Variants in SPOCK1 observed in about 807,000 individuals in gnomAD.
The protein encoded by SPOCK1 is testican-1.
Under a neutral mutation model 55.3 loss-of-function variants are expected in SPOCK1, and 23 were observed. The observed-to-expected ratio is 0.42, with a 90% CI of 0.30 to 0.59. The LOEUF (loss-of-function observed/expected upper bound fraction) is 0.59. Ranked by LOEUF, SPOCK1 falls within the 20% of genes least tolerant of loss-of-function variation. The pLI is 0.22. For missense variants in SPOCK1, 499 were observed against 552.5 expected (o/e 0.90, Z 0.97); for synonymous variants, 226 against 221.0 (o/e 1.02, Z -0.20).
intron 2 of SPOCK1, 25 bp downstream of exon 2, chr5:137,498,348 A>G (rs1326279595): frequency 6.5e-7 from 1 of 1,541,884 alleles, no homozygotes; most frequent in East Asian, 2.5e-5. Flanking sequence ...CGCGCCCCCC[A>G]GGGCCGGGTG....
intron 2 of SPOCK1, among the ~76,000 whole-genome samples, chr5:137,275,815 C>T (rs1757055263): frequency 6.6e-6 from 1 of 152,170 alleles, no homozygotes; most frequent in African/African-American, 2.4e-5. Flanking sequence ...ACAGGCTGGA[C>T]TCCTCCCTCT....
intron 3 of SPOCK1, among the ~76,000 whole-genome samples, chr5:137,191,655 T>C (rs575914943): frequency 2.6e-5 from 4 of 152,320 alleles, no homozygotes; most frequent in Non-Finnish European, 5.9e-5. Flanking sequence ...GCCCATCAGG[T>C]AAAACAGGCT....
chr5:137,426,464 G>A (rs1752614440), intron 2 of SPOCK1, among the ~76,000 whole-genome samples: 1 of 152,178 alleles, frequency 6.6e-6, no homozygotes, highest in Non-Finnish European at 1.5e-5. Flanking sequence ...GCTTTTCAGG[G>A]CTGAGCTTTG....
At chr5:137,153,055 C>T (rs1180543895) in intron 3 of SPOCK1, among the ~76,000 whole-genome samples, 1 of 152,202 alleles carries the variant, frequency 6.6e-6, no homozygotes, top group South Asian at 2.1e-4. Context: ...CCACCTCTCA[C>T]CCAACACAGT....
At chr5:137,332,768 G>A (rs1758210187) in intron 2 of SPOCK1, among the ~76,000 whole-genome samples, 1 of 151,886 alleles carries the variant, frequency 6.6e-6, no homozygotes, top group Non-Finnish European at 1.5e-5. Flanking sequence ...AGAAGCAACT[G>A]TGTGTGTGTA....
At chr5:137,278,428 C>A (rs1757109538) in intron 2 of SPOCK1, among the ~76,000 whole-genome samples, 1 of 152,222 alleles carries the variant, frequency 6.6e-6, no homozygotes, top group South Asian at 2.1e-4. Context: ...CAAATGGACC[C>A]ACATTCCTGA....
chr5:137,041,567 C>G (rs1751999169), intron 6 of SPOCK1, among the ~76,000 whole-genome samples: 1 of 152,118 alleles, frequency 6.6e-6, no homozygotes, highest in African/African-American at 2.4e-5. Flanking sequence ...AAACACATAG[C>G]TGATAAAAGA....
At chr5:137,320,111 C>T (rs543906664) in intron 2 of SPOCK1, among the ~76,000 whole-genome samples, 1 of 152,326 alleles carries the variant, frequency 6.6e-6, no homozygotes, top group East Asian at 1.9e-4. Flanking sequence ...TGCATCAATC[C>T]TTCTCCCAAG....
At chr5:137,255,728 A>T (rs150472993) in intron 3 of SPOCK1, among the ~76,000 whole-genome samples, 1 of 152,278 alleles carries the variant, frequency 6.6e-6, no homozygotes, top group African/African-American at 2.4e-5. Context: ...AGGAAGGGAA[A>T]GGGGGAGCTA....
chr5:137,143,870 C>G (rs543578896), intron 3 of SPOCK1, among the ~76,000 whole-genome samples: 1 of 152,136 alleles, frequency 6.6e-6, no homozygotes, highest in Non-Finnish European at 1.5e-5. Flanking sequence ...GCAGGACAAA[C>G]CTGGTCTGTG....
At chr5:137,352,197 A>C (rs1750695581) in intron 2 of SPOCK1, among the ~76,000 whole-genome samples, 1 of 152,250 alleles carries the variant, frequency 6.6e-6, no homozygotes, top group Non-Finnish European at 1.5e-5. Context: ...GATATACTGC[A>C]GGCCGCCAAC....
At chr5:137,194,328 A>T (rs1028429176) in intron 3 of SPOCK1, among the ~76,000 whole-genome samples, 25 of 152,164 alleles carry the variant, frequency 1.6e-4, no homozygotes, top group African/African-American at 5.6e-4. Flanking sequence ...TGAGGTATTG[A>T]CTGTGCTGGG....
intron 2 of SPOCK1, among the ~76,000 whole-genome samples, chr5:137,289,118 G>C (rs1363005414): frequency 2.0e-5 from 3 of 152,116 alleles, no homozygotes; most frequent in Admixed American, 2.0e-4. Context: ...TATGAAATGA[G>C]GTTATTAATG....
chr5:137,289,119 G>T (rs925205583), intron 2 of SPOCK1, among the ~76,000 whole-genome samples: 1 of 152,194 alleles, frequency 6.6e-6, no homozygotes, highest in Non-Finnish European at 1.5e-5. Flanking sequence ...ATGAAATGAG[G>T]TTATTAATGA....
At chr5:137,248,332 T>C (rs1756438503) in intron 3 of SPOCK1, among the ~76,000 whole-genome samples, 1 of 152,218 alleles carries the variant, frequency 6.6e-6, no homozygotes, top group Non-Finnish European at 1.5e-5. Flanking sequence ...CATTCATTGA[T>C]CTGTTCAGTT....
chr5:137,128,875 G>C (rs1029743999), intron 4 of SPOCK1, among the ~76,000 whole-genome samples: 1 of 152,126 alleles, frequency 6.6e-6, no homozygotes, highest in African/African-American at 2.4e-5. Context: ...TTCTAGATTA[G>C]ATTATACACA....
At position 137,498,398 on chromosome 5, in the gene SPOCK1, T is replaced by C. The variant is rs754699120; in HGVS notation, c.161A>G (p.Asp54Gly). 2.5e-6 allele frequency: 4 copies of C among 1,606,148 alleles called. No homozygotes were observed. Among genetic ancestry groups the C allele is most frequent in the East Asian group, 2.3e-5 (1 of 44,324 alleles). Residue 54 changes from aspartate to glycine, a missense_variant, in exon 2 of 11, where the codon GAC (aspartate) becomes GGC (glycine). Asp to Gly is a moderately conservative substitution (Grantham distance 94). Transcript: ENST00000394945. The stretch of plus-strand genomic sequence containing the variant: ...GTCTCGAAAGCGGTTCCAGTACTTG[T>C]CCCGGTCGTACTGGGAGACGGTGCT... ...WLSTVSQYDR[D>G]KYWNRFRDDD...
intron 6 of SPOCK1, among the ~76,000 whole-genome samples, chr5:137,042,713 A>G (rs868160029): frequency 5.9e-5 from 9 of 152,150 alleles, no homozygotes; most frequent in Non-Finnish European, 1.0e-4. Context: ...CAAGTTTCCT[A>G]CTGTTGGAGT....
At chr5:137,381,606 C>T (rs965290017) in intron 2 of SPOCK1, among the ~76,000 whole-genome samples, 3 of 152,238 alleles carry the variant, frequency 2.0e-5, no homozygotes, top group Non-Finnish European at 4.4e-5. Flanking sequence ...TTAGGGATTG[C>T]ACCCTCTGGA....
Sources: gnomAD v4.1 joint callset for allele counts (sites outside exome capture counted in the v4.1 genomes callset) on GRCh38, gnomAD v4.1.1 for gene constraint, MANE v1.5 for transcripts, NCBI Gene and HGNC (gene_info 2026-07-23, HGNC 2026-07-21) for gene names.